Variants in TRUB1 observed in about 807,000 individuals in gnomAD.
TRUB1 encodes the protein pseudouridylate synthase TRUB1.
Under a neutral mutation model 33.9 loss-of-function variants are expected in TRUB1, and 23 were observed. The ratio of observed to expected loss-of-function variants is 0.68; its 90% CI spans 0.49 to 0.96. The LOEUF (loss-of-function observed/expected upper bound fraction) is 0.96. Among genes scored for constraint, TRUB1 ranks in the 40% least tolerant of loss-of-function variants. TRUB1 has a pLI of 0.00. For missense variants in TRUB1, 378 were observed against 422.2 expected (o/e 0.90, Z 0.92); for synonymous variants, 163 against 165.4 (o/e 0.99, Z 0.11).
At chr10:114,971,837 A>G (rs17721905) in intron 5 of TRUB1, among the ~76,000 whole-genome samples, 34,501 of 152,208 alleles carry the variant, frequency 0.23, 4,854 homozygotes, top group Non-Finnish European at 0.33. Context: ...AGGACAAGAC[A>G]TGAATACATT....
intron 5 of TRUB1, among the ~76,000 whole-genome samples, chr10:114,970,712 G>T (rs2084332883): frequency 6.6e-6 from 1 of 152,174 alleles, no homozygotes; most frequent in African/African-American, 2.4e-5. Context: ...TCTATCAACA[G>T]ACATAAGGGC....
At chr10:114,949,275 T>G (rs1200871519) in intron 2 of TRUB1, among the ~76,000 whole-genome samples, 1 of 152,204 alleles carries the variant, frequency 6.6e-6, no homozygotes, top group Non-Finnish European at 1.5e-5. Context: ...GAAAAATTGA[T>G]TGGAGATTTA....
intron 3 of TRUB1, among the ~76,000 whole-genome samples, chr10:114,954,076 T>C (rs1000702805): frequency 7.0e-6 from 1 of 141,984 alleles, no homozygotes; most frequent in African/African-American, 2.5e-5. Context: ...AAAAAAAAAA[T>C]GTGGCTGCAG....
chr10:114,963,454 A>G (rs1363408353), intron 4 of TRUB1, among the ~76,000 whole-genome samples: 3 of 152,236 alleles, frequency 2.0e-5, no homozygotes, highest in East Asian at 1.9e-4. Flanking sequence ...TAAACTTTTC[A>G]TTATAAAATG....
intron 1 of TRUB1, 26 bp from the exon 2 acceptor site, chr10:114,942,619 T>G: frequency 6.6e-7 from 1 of 1,510,968 alleles, no homozygotes; most frequent in East Asian, 2.3e-5. Context: ...GGTGATCACC[T>G]TTTTTCATCC....
chr10:114,966,388 C>T (rs531781999), intron 4 of TRUB1, among the ~76,000 whole-genome samples: 1 of 152,210 alleles, frequency 6.6e-6, no homozygotes, highest in South Asian at 2.1e-4. Context: ...ATTATTGTAG[C>T]TTTGTAAGTC....
Sources: gnomAD v4.1 joint callset for allele counts (sites outside exome capture counted in the v4.1 genomes callset) on GRCh38, gnomAD v4.1.1 for gene constraint, MANE v1.5 for transcripts, NCBI Gene and HGNC (gene_info 2026-07-23, HGNC 2026-07-21) for gene names.